Variants in FGF14 observed in about 807,000 individuals in gnomAD.
FGF14 encodes the protein fibroblast growth factor 14, also known as fibroblast growth factor homologous factor 4.
In FGF14, 5 loss-of-function variants were observed where a neutral mutation model predicts 25.5. The ratio of observed to expected loss-of-function variants is 0.20; its 90% CI spans 0.10 to 0.41. The LOEUF is 0.41. Among genes scored for constraint, FGF14 ranks in the 10% least tolerant of loss-of-function variants. FGF14 has a pLI of 1.00. For synonymous variants in FGF14, 138 were observed against 118.3 expected, an observed-to-expected ratio of 1.17 and a Z score of -1.08; for missense variants, 222 against 320.1, an observed-to-expected ratio of 0.69 and a Z score of 2.34.
chr13:102,381,269 T>A (rs1031645718), intron 1 of FGF14, among the ~76,000 whole-genome samples: 7 of 152,160 alleles, frequency 4.6e-5, no homozygotes, highest in Non-Finnish European at 7.3e-5. Flanking sequence ...TAGTCTAGTG[T>A]TTGCTGTGGT....
intron 1 of FGF14, among the ~76,000 whole-genome samples, chr13:102,134,483 T>C (rs2046326481): frequency 6.6e-6 from 1 of 152,212 alleles, no homozygotes; most frequent in African/African-American, 2.4e-5. Context: ...GAATCAGTAA[T>C]GAAAGTAATG....
At chr13:101,874,556 T>C (rs2045288248) in intron 2 of FGF14, among the ~76,000 whole-genome samples, 1 of 152,230 alleles carries the variant, frequency 6.6e-6, no homozygotes, top group South Asian at 2.1e-4. Context: ...AGAAATGTTA[T>C]ACATAAAGAA....
At chr13:101,838,257 T>C (rs180760359) in intron 3 of FGF14, among the ~76,000 whole-genome samples, 9 of 152,078 alleles carry the variant, frequency 5.9e-5, no homozygotes, top group African/African-American at 2.2e-4. Flanking sequence ...CATATATATA[T>C]ATTTTTAAAA....
At chr13:102,324,986 T>C (rs191774881) in intron 1 of FGF14, among the ~76,000 whole-genome samples, 1 of 152,230 alleles carries the variant, frequency 6.6e-6, no homozygotes, top group Admixed American at 6.5e-5. Context: ...TGATTCTCAA[T>C]TCAATATCAT....
chr13:102,038,512 T>A (rs909647549), intron 1 of FGF14, among the ~76,000 whole-genome samples: 1 of 152,190 alleles, frequency 6.6e-6, no homozygotes, highest in African/African-American at 2.4e-5. Context: ...ATTTTTACAA[T>A]AGGAACCATA....
chr13:102,010,556 G>T (rs925067717), intron 1 of FGF14, among the ~76,000 whole-genome samples: 12 of 152,224 alleles, frequency 7.9e-5, no homozygotes, highest in Admixed American at 4.6e-4. Flanking sequence ...ACAATATGTT[G>T]TTGATGCTGA....
chr13:102,151,746 C>T (rs1345168514), intron 1 of FGF14, among the ~76,000 whole-genome samples: 2 of 152,274 alleles, frequency 1.3e-5, no homozygotes, highest in African/African-American at 2.4e-5. Flanking sequence ...AGGTGATCCA[C>T]CTCAGCCTCC....
intron 1 of FGF14, among the ~76,000 whole-genome samples, chr13:102,371,853 G>A (rs1208515291): frequency 6.6e-6 from 1 of 152,012 alleles, no homozygotes; most frequent in Non-Finnish European, 1.5e-5. Flanking sequence ...TACATAACAA[G>A]CTTTAAACAA....
intron 1 of FGF14, among the ~76,000 whole-genome samples, chr13:102,398,757 G>A (rs1197115670): frequency 6.6e-6 from 1 of 151,706 alleles, no homozygotes; most frequent in Non-Finnish European, 1.5e-5. Context: ...TGGAACTCAC[G>A]AAGTACAATA....
intron 1 of FGF14, among the ~76,000 whole-genome samples, chr13:102,251,762 T>G (rs1266064603): frequency 6.6e-6 from 1 of 152,144 alleles, no homozygotes; most frequent in Admixed American, 6.6e-5. Context: ...TTTACATGAC[T>G]CTTTTTAGAC....
chr13:101,798,252 A>G (rs570416249), intron 3 of FGF14, among the ~76,000 whole-genome samples: 2 of 152,290 alleles, frequency 1.3e-5, no homozygotes, highest in East Asian at 3.9e-4. Flanking sequence ...TATTAGGAGC[A>G]TGTAGTGAGC....
At chr13:101,895,217 C>T (rs1399084351) in intron 1 of FGF14, among the ~76,000 whole-genome samples, 1 of 152,020 alleles carries the variant, frequency 6.6e-6, no homozygotes, top group Non-Finnish European at 1.5e-5. Flanking sequence ...TTCCTAATGA[C>T]TGTTTGGGAA....
At chr13:102,065,583 T>C (rs1173070131) in intron 1 of FGF14, among the ~76,000 whole-genome samples, 1 of 152,116 alleles carries the variant, frequency 6.6e-6, no homozygotes, top group African/African-American at 2.4e-5. Context: ...ATACATATAG[T>C]AGCCTTAAAA....
At chr13:101,856,714 C>G (rs529735717) in intron 3 of FGF14, among the ~76,000 whole-genome samples, 1 of 152,032 alleles carries the variant, frequency 6.6e-6, no homozygotes, top group South Asian at 2.1e-4. Flanking sequence ...ACAGTTGTTT[C>G]TTATAACACA....
chr13:102,134,498 G>T (rs961984341), intron 1 of FGF14, among the ~76,000 whole-genome samples: 8 of 152,208 alleles, frequency 5.3e-5, no homozygotes, highest in African/African-American at 1.9e-4. Context: ...GTAATGATGG[G>T]CATCAAATAT....
intron 3 of FGF14, among the ~76,000 whole-genome samples, chr13:101,734,410 T>TA (rs1425587551): frequency 6.6e-6 from 1 of 152,176 alleles, no homozygotes; most frequent in Non-Finnish European, 1.5e-5. Context: ...AGATTATAAA[T>TA]AAAAATGTGT....
chr13:102,289,640 A>G (rs2054276883), intron 1 of FGF14, among the ~76,000 whole-genome samples: 1 of 152,184 alleles, frequency 6.6e-6, no homozygotes, highest in Non-Finnish European at 1.5e-5. Context: ...GAAAACCAGT[A>G]GGAGGTAGGT....
intron 1 of FGF14, among the ~76,000 whole-genome samples, chr13:102,214,424 T>G (rs907844108): frequency 6.6e-6 from 1 of 152,140 alleles, no homozygotes; most frequent in Non-Finnish European, 1.5e-5. Flanking sequence ...TGTATATAGG[T>G]TTTCCTTCCT....
intron 1 of FGF14, among the ~76,000 whole-genome samples, chr13:102,069,867 G>T (rs1005248326): frequency 7.9e-5 from 12 of 152,186 alleles, no homozygotes; most frequent in African/African-American, 2.7e-4. Context: ...CAGCACTTTG[G>T]GAGGCTGAGG....
Sources: allele counts gnomAD v4.1 joint callset (sites outside exome capture counted in the v4.1 genomes callset), GRCh38; gene constraint gnomAD v4.1.1; transcripts MANE v1.5; gene names NCBI Gene and HGNC (gene_info 2026-07-23, HGNC 2026-07-21).